Variants in NHSL3 observed in about 807,000 individuals in gnomAD.
NHSL3 encodes NHS-like protein 3.
the NHSL3 span, chr1:32,768,633 TCTC>T: frequency 1.2e-6 from 2 of 1,613,622 alleles, no homozygotes; most frequent in South Asian, 1.1e-5. Flanking sequence ...CCCACCCAGA[TCTC>T]CTTCTACCCT....
At chr1:32,772,331 C>T in the NHSL3 span, 80 of 1,610,466 alleles carry the variant, frequency 5.0e-5, no homozygotes, top group Non-Finnish European at 6.4e-5. Flanking sequence ...ACTGCTCCTC[C>T]CACCAATGGG....
At chr1:32,756,410 C>G in the NHSL3 span, among the ~76,000 whole-genome samples, 1 of 143,758 alleles carries the variant, frequency 7.0e-6, no homozygotes, top group East Asian at 2.1e-4. Flanking sequence ...TTTGGGAGGC[C>G]GAGATGGGAG....
chr1:32,761,196 G>A, the NHSL3 span, among the ~76,000 whole-genome samples: 7 of 152,280 alleles, frequency 4.6e-5, no homozygotes, highest in African/African-American at 1.2e-4. Flanking sequence ...GACTCTAAGC[G>A]TGGCTGTGGG....
the NHSL3 span, chr1:32,772,862 C>A: frequency 2.5e-6 from 4 of 1,614,026 alleles, no homozygotes; most frequent in Non-Finnish European, 3.4e-6. Context: ...TTTTCTCCCC[C>A]AGACTCACAG....
chr1:32,769,731 G>T, the NHSL3 span: 1 of 1,613,868 alleles, frequency 6.2e-7, no homozygotes, highest in African/African-American at 1.3e-5. Flanking sequence ...GGCGGCGTCG[G>T]CGGGAGCGGC....
chr1:32,744,235 G>A, the NHSL3 span, among the ~76,000 whole-genome samples: 1 of 152,058 alleles, frequency 6.6e-6, no homozygotes, highest in South Asian at 2.1e-4. Context: ...TGAGAGGCAG[G>A]TCTTGATTCC....
the NHSL3 span, among the ~76,000 whole-genome samples, chr1:32,752,950 CATATATATATATAT>C: frequency 0.014 from 602 of 42,742 alleles, 22 homozygotes; most frequent in Non-Finnish European, 0.016. Context: ...CACACACACA[CATATATATATATAT>C]ATATTTTGGT....
At chr1:32,771,079 T>C in the NHSL3 span, 2 of 1,613,782 alleles carry the variant, frequency 1.2e-6, no homozygotes, top group Non-Finnish European at 1.7e-6. Context: ...CACGTCTTTA[T>C]GTTCCTCCTC....
chr1:32,774,671 G>T, the NHSL3 span: 1 of 152,518 alleles, frequency 6.6e-6, no homozygotes, highest in African/African-American at 2.4e-5. Flanking sequence ...AGGATCTTCT[G>T]AGCTTGTTTC....
the NHSL3 span, among the ~76,000 whole-genome samples, chr1:32,747,216 C>G: frequency 6.6e-6 from 1 of 150,744 alleles, no homozygotes; most frequent in South Asian, 2.1e-4. Context: ...GACAGAGTCT[C>G]ACTCTGTCGC....
chr1:32,768,488 G>A, the NHSL3 span, among the ~76,000 whole-genome samples: 474 of 152,242 alleles, frequency 3.1e-3, 7 homozygotes, highest in African/African-American at 0.011. Flanking sequence ...CCAGCTGCTT[G>A]AGAGGCTGAG....
the NHSL3 span, among the ~76,000 whole-genome samples, chr1:32,765,024 C>CCT: frequency 2.6e-5 from 4 of 152,222 alleles, no homozygotes; most frequent in African/African-American, 9.6e-5. Flanking sequence ...TGAAGTCTAG[C>CCT]CTCTGCAAGA....
chr1:32,747,547 G>A, the NHSL3 span, among the ~76,000 whole-genome samples: 3 of 152,114 alleles, frequency 2.0e-5, no homozygotes, highest in Non-Finnish European at 4.4e-5. Flanking sequence ...ATGGGCTGAG[G>A]GAGCAAGCCT....
the NHSL3 span, among the ~76,000 whole-genome samples, chr1:32,748,106 C>G: frequency 6.6e-6 from 1 of 151,936 alleles, no homozygotes; most frequent in South Asian, 2.1e-4. Context: ...ACAAAAAGCT[C>G]CGTCTCAAAA....
the NHSL3 span, chr1:32,771,096 C>T: frequency 6.2e-7 from 1 of 1,613,862 alleles, no homozygotes; most frequent in Non-Finnish European, 8.5e-7. Context: ...CCTCCTCTGA[C>T]CCAGCCCCCT....
the NHSL3 span, among the ~76,000 whole-genome samples, chr1:32,742,422 G>C: frequency 3.3e-5 from 5 of 152,378 alleles, no homozygotes; most frequent in East Asian, 9.6e-4. Flanking sequence ...GCTGGGGCAG[G>C]GATCCCCTGG....
At chr1:32,752,007 C>T in the NHSL3 span, among the ~76,000 whole-genome samples, 1 of 152,156 alleles carries the variant, frequency 6.6e-6, no homozygotes, top group Non-Finnish European at 1.5e-5. Context: ...CTCTACTCCC[C>T]CATACTAACT....
chr1:32,771,903 C>G, the NHSL3 span: 5 of 1,591,042 alleles, frequency 3.1e-6, no homozygotes, highest in East Asian at 2.3e-5. Context: ...CATCGGCCCC[C>G]CAGAAACCAC....
the NHSL3 span, chr1:32,769,993 C>T: frequency 8.5e-5 from 137 of 1,605,542 alleles, no homozygotes; most frequent in Admixed American, 1.2e-4. Context: ...GATGGGGGCC[C>T]GGGTGTCCCT....
Sources: allele counts gnomAD v4.1 joint callset (sites outside exome capture counted in the v4.1 genomes callset), GRCh38; gene constraint gnomAD v4.1.1; transcripts MANE v1.5; gene names NCBI Gene and HGNC (gene_info 2026-07-23, HGNC 2026-07-21).